DLAT: variants seen among roughly 807,000 people sequenced by gnomAD.
The protein encoded by DLAT is dihydrolipoamide S-acetyltransferase.
A neutral mutation model predicts 68.0 loss-of-function variants in DLAT; 43 were observed. The observed-to-expected ratio is 0.63, with a 90% CI of 0.50 to 0.81. The LOEUF is 0.81. Among genes scored for constraint, DLAT ranks in the 40% least tolerant of loss-of-function variants. The pLI is 0.00. For synonymous variants in DLAT, 265 were observed against 288.6 expected (o/e 0.92, Z 0.83); for missense variants, 745 against 815.4 (o/e 0.91, Z 1.05).
rs781998564 is a variant in DLAT at position 112,061,055 on chromosome 11, C to A, written c.1695C>A (p.Ile565=). 3 of 1,604,618 alleles carry A rather than the reference C, an allele frequency of 1.9e-6. No individual in the cohort carries two copies. The highest frequency in any genetic ancestry group is 1.7e-6 in the Non-Finnish European group (2 of 1,174,684). The part of the protein sequence containing the change: ...PHEFQGGTFT[I]SNLGMFGIKN... ...TCCTCTAGGGTGGCACTTTTACGAT[C>A]TCCAATTTAGGAATGTTTGGAATTA... is the stretch of plus-strand genomic sequence containing the variant. The change falls in exon 13 of 14, where the codon ATC becomes ATA. Residue 565 remains isoleucine (I), a synonymous_variant. Coordinates refer to ENST00000280346, the MANE Select transcript of DLAT (RefSeq NM_001931.5).
chr11:112,059,995 C>A lies in DLAT; in HGVS notation c.1607C>A (p.Thr536Asn). The change falls in exon 12 of 14, where the codon ACC (threonine) becomes AAC (asparagine). Residue 536 changes from threonine (T) to asparagine (N), a missense_variant. Coordinates refer to ENST00000280346, the MANE Select transcript of DLAT (RefSeq NM_001931.5). The stretch of plus-strand genomic sequence containing the variant: ...AATGCACATATAAAAGGAGTGGAAA[C>A]CATTGCTAATGATGTTGTTTCTTTA... ...VFNAHIKGVE[T>N]IANDVVSLAT... 6.2e-7 allele frequency: 1 copy of A among 1,613,924 alleles called. No homozygotes were observed. Among genetic ancestry groups the A allele is most frequent in the South Asian group, 1.1e-5 (1 of 91,076 alleles).
intron 2 of DLAT, 103 bp from the exon 3 acceptor site, chr11:112,028,412 C>G (rs1002192719): frequency 1.5e-6 from 2 of 1,304,306 alleles, no homozygotes; most frequent in Non-Finnish European, 2.1e-6. Context: ...GAATGAGACT[C>G]TGTGTCTCAA....
intron 4 of DLAT, among the ~76,000 whole-genome samples, chr11:112,033,192 G>A (rs587705676): frequency 3.3e-5 from 5 of 152,356 alleles, no homozygotes. Context: ...GTGTGTTAGA[G>A]TGTGGGCGAG....
chr11:112,027,000 A>C (rs1178300513), intron 2 of DLAT, among the ~76,000 whole-genome samples: 1 of 145,410 alleles, frequency 6.9e-6, no homozygotes, highest in Non-Finnish European at 1.5e-5. Flanking sequence ...GGCTGGCCCC[A>C]CCACCTCCCT....
At chr11:112,041,643 G>A (rs1592685997) in intron 7 of DLAT, among the ~76,000 whole-genome samples, 1 of 152,184 alleles carries the variant, frequency 6.6e-6, no homozygotes, top group African/African-American at 2.4e-5. Flanking sequence ...AGCACTTTGG[G>A]AGGCCGAGGC....
rs148066420 is a variant in DLAT, at chr11:112,059,656, G to A, written c.1515-247G>A. On this transcript the variant is annotated intron_variant, in intron 11 of 13. Coordinates refer to ENST00000280346, the MANE Select transcript of DLAT (RefSeq NM_001931.5). Reference sequence around the variant, plus strand: ...GATCCGCCCACCTCAGCCTCCCAAAGTGTTGGGATTACAGGCATGAGCCAC... The same window carrying A: ...GATCCGCCCACCTCAGCCTCCCAAAATGTTGGGATTACAGGCATGAGCCAC... Among the ~76,000 whole-genome samples, 251 of 152,290 alleles carry A rather than the reference G, an allele frequency of 1.6e-3. 2 individuals are homozygous for A. Among genetic ancestry groups the A allele is most frequent in the African/African-American group, 5.6e-3 (234 of 41,564 alleles).
chr11:112,044,843 G>T (rs1197897013), intron 8 of DLAT, among the ~76,000 whole-genome samples: 1 of 151,942 alleles, frequency 6.6e-6, no homozygotes, highest in Non-Finnish European at 1.5e-5. Flanking sequence ...GACCAGCCAG[G>T]GCAACGTGGC....
intron 10 of DLAT, among the ~76,000 whole-genome samples, chr11:112,048,871 T>C (rs1863466128): frequency 6.6e-6 from 1 of 152,122 alleles, no homozygotes. Context: ...TTAATCTCTG[T>C]ATACCCTTAA....
intron 4 of DLAT, among the ~76,000 whole-genome samples, chr11:112,031,983 C>T (rs1384173207): frequency 1.6e-5 from 2 of 127,964 alleles, no homozygotes; most frequent in East Asian, 2.5e-4. Flanking sequence ...GCAACCTCTG[C>T]GATTCTCATG....
intron 2 of DLAT, among the ~76,000 whole-genome samples, chr11:112,027,262 G>A (rs1566608139): frequency 6.6e-6 from 1 of 151,996 alleles, no homozygotes; most frequent in East Asian, 1.9e-4. Flanking sequence ...CTCCCGGACG[G>A]GGTCGCGGCC....
Position 112,025,612 on chromosome 11 carries a change from G to A in DLAT, c.140G>A (p.Ser47Asn), listed in dbSNP as rs1413102590. ...GGCCCGGCTCCCGCTCGTCGCAACAGCGTGACTACAGGGTATGGCGGGGTC... is the reference window on the plus strand; with the variant it reads ...GGCCCGGCTCCCGCTCGTCGCAACAACGTGACTACAGGGTATGGCGGGGTC... ...RSGPAPARRN[S>N]VTTGYGGVRA... Residue 47 changes from serine to asparagine, a missense_variant, in exon 1 of 14, where the codon AGC (serine) becomes AAC (asparagine). Ser to Asn is a conservative substitution (Grantham distance 46). Transcript: ENST00000280346. 7.4e-6 allele frequency: 12 copies of A among 1,613,866 alleles called. No individual in the cohort carries two copies. Among genetic ancestry groups the A allele is most frequent in the Non-Finnish European group, 1.0e-5 (12 of 1,180,010 alleles).
intron 10 of DLAT, among the ~76,000 whole-genome samples, chr11:112,048,584 G>A (rs1002495774): frequency 8.5e-5 from 13 of 152,054 alleles, no homozygotes; most frequent in Admixed American, 3.3e-4. Flanking sequence ...CCCAGACTGG[G>A]GTGCAGTGGC....
chr11:112,055,616 G>A (rs1171545617), intron 11 of DLAT, among the ~76,000 whole-genome samples: 1 of 151,912 alleles, frequency 6.6e-6, no homozygotes, highest in East Asian at 1.9e-4. Context: ...CACTGTTACT[G>A]AACATACCTT....
chr11:112,060,155 GTAAT>G, intron 12 of DLAT, 90 bp downstream of exon 12: 1 of 838,314 alleles, frequency 1.2e-6, no homozygotes, highest in Non-Finnish European at 1.8e-6. Flanking sequence ...ATTCTGTCAC[GTAAT>G]TTTTTTTTTT....
rs781881808 is a variant in DLAT, at chr11:112,025,455, T to TG, written c.-12dup. 11 of 1,607,876 alleles carry TG rather than the reference T, an allele frequency of 6.8e-6. No homozygotes were observed. Among genetic ancestry groups the TG allele is most frequent in the South Asian group, 2.2e-5 (2 of 90,696 alleles). ...CGGAGACGGCGTTGGTTTTGGGGTG[T>TG]GGGGGGTTGGTGGCACTATGTGGCG... On this transcript the variant is annotated 5_prime_UTR_variant, in exon 1 of 14. Transcript: ENST00000280346.
At chr11:112,046,005 T>G in intron 10 of DLAT, 35 bp downstream of exon 10, 1 of 1,354,970 alleles carries the variant, frequency 7.4e-7, no homozygotes, top group Non-Finnish European at 1.0e-6. Flanking sequence ...TTCTAAGTTA[T>G]AAAAATTTTG....
intron 11 of DLAT, among the ~76,000 whole-genome samples, chr11:112,056,554 G>T (rs782553543): frequency 4.6e-5 from 7 of 152,016 alleles, no homozygotes; most frequent in Non-Finnish European, 8.8e-5. Context: ...GTGTTTAATC[G>T]TATCAATATA....
At position 112,025,460 on chromosome 11, in the gene DLAT, G is replaced by T. The variant is rs1406489501; in HGVS notation, c.-13G>T. On this transcript the variant is annotated 5_prime_UTR_variant, in exon 1 of 14. Coordinates refer to ENST00000280346, the MANE Select transcript of DLAT (RefSeq NM_001931.5). ...ACGGCGTTGGTTTTGGGGTGTGGGGGGTTGGTGGCACTATGTGGCGCGTCT... is the reference window on the plus strand; with the variant it reads ...ACGGCGTTGGTTTTGGGGTGTGGGGTGTTGGTGGCACTATGTGGCGCGTCT... The T allele has an allele frequency of 1.6e-5, 26 of 1,609,670 alleles. 1 individual carries two copies. The highest frequency in any genetic ancestry group is 2.1e-5 in the Non-Finnish European group (25 of 1,179,072).
intron 11 of DLAT, among the ~76,000 whole-genome samples, chr11:112,054,300 A>G (rs2137846039): frequency 6.6e-6 from 1 of 152,234 alleles, no homozygotes; most frequent in African/African-American, 2.4e-5. Context: ...AGCCTGAGCA[A>G]CAGAGCAAGA....
Sources: gnomAD v4.1 joint callset for allele counts (sites outside exome capture counted in the v4.1 genomes callset) on GRCh38, gnomAD v4.1.1 for gene constraint, MANE v1.5 for transcripts, NCBI Gene and HGNC (gene_info 2026-07-23, HGNC 2026-07-21) for gene names.